Variants in SEMA3E observed in about 807,000 individuals in gnomAD.
SEMA3E encodes the protein semaphorin-3E.
Under a neutral mutation model 93.6 loss-of-function variants are expected in SEMA3E, and 49 were observed. The ratio of observed to expected loss-of-function variants is 0.52; its 90% confidence interval spans 0.42 to 0.66. The LOEUF (loss-of-function observed/expected upper bound fraction) is 0.66, where lower values mean the gene tolerates loss of function less well. Ranked by LOEUF, SEMA3E falls within the 30% of genes least tolerant of loss-of-function variation. The probability of loss-of-function intolerance (pLI) is 0.00; values close to 1 mark genes in which losing one functional copy is unlikely to be tolerated. For synonymous variants in SEMA3E, 363 were observed against 330.7 expected, an observed-to-expected ratio of 1.10 and a Z score of -1.06; for missense variants, 906 against 964.8, an observed-to-expected ratio of 0.94 and a Z score of 0.81.
At chr7:83,533,269 C>T (rs775140981) in intron 1 of SEMA3E, among the ~76,000 whole-genome samples, 13 of 152,116 alleles carry the variant, frequency 8.5e-5, no homozygotes, top group Non-Finnish European at 1.9e-4. Flanking sequence ...GGGCCAGGTG[C>T]AGTGGCTCAT....
At chr7:83,630,842 C>CA (rs1793771933) in intron 1 of SEMA3E, among the ~76,000 whole-genome samples, 1 of 151,928 alleles carries the variant, frequency 6.6e-6, no homozygotes, top group Non-Finnish European at 1.5e-5. Context: ...AGAGATTTGG[C>CA]AAAAATATAG....
chr7:83,630,858 T>C (rs1306467913), intron 1 of SEMA3E, among the ~76,000 whole-genome samples: 1 of 152,198 alleles, frequency 6.6e-6, no homozygotes, highest in Non-Finnish European at 1.5e-5. Flanking sequence ...TATAGGGTTA[T>C]TTTAAATTTT....
chr7:83,601,687 A>C (rs1162716814), intron 1 of SEMA3E, among the ~76,000 whole-genome samples: 1 of 152,140 alleles, frequency 6.6e-6, no homozygotes, highest in Non-Finnish European at 1.5e-5. Context: ...CATGTGTACA[A>C]AGAAATAGAG....
intron 11 of SEMA3E, among the ~76,000 whole-genome samples, chr7:83,399,086 T>C (rs1788184982): frequency 6.6e-6 from 1 of 152,166 alleles, no homozygotes; most frequent in African/African-American, 2.4e-5. Context: ...CTTATGCCAA[T>C]ATCTCTTGAG....
intron 4 of SEMA3E, among the ~76,000 whole-genome samples, chr7:83,433,321 T>C (rs1425338828): frequency 6.6e-6 from 1 of 152,074 alleles, no homozygotes. Context: ...GGGAACTGAG[T>C]GTCTTATTGA....
chr7:83,450,286 C>G (rs1192131394), intron 4 of SEMA3E, among the ~76,000 whole-genome samples: 1 of 152,156 alleles, frequency 6.6e-6, no homozygotes, highest in African/African-American at 2.4e-5. Context: ...ACTAAAAACA[C>G]ACCCATAAGT....
chr7:83,485,536 T>A (rs1759851411), intron 2 of SEMA3E, among the ~76,000 whole-genome samples: 2 of 151,934 alleles, frequency 1.3e-5, no homozygotes, highest in Non-Finnish European at 2.9e-5. Flanking sequence ...GAAATCATAT[T>A]AAATAAAAGA....
At chr7:83,477,926 CT>C (rs11310519) in intron 2 of SEMA3E, among the ~76,000 whole-genome samples, 72,715 of 147,456 alleles carry the variant, frequency 0.49, 17,866 homozygotes, top group Middle Eastern at 0.58. Flanking sequence ...GTAATTTTGG[CT>C]TTTTTTTTTT....
Position 83,544,539 on chromosome 7 carries a change from C to T in SEMA3E, c.116-54265G>A, listed in dbSNP as rs143460470. Among the ~76,000 whole-genome samples the T allele has an allele frequency of 2.6e-4, 40 of 152,218 alleles. 1 individual carries two copies. The East Asian group carries it at 7.7e-3, about 29-fold the overall frequency. On this transcript the variant is annotated intron_variant, in intron 1 of 16. Transcript: ENST00000643230. The stretch of plus-strand genomic sequence containing the variant: ...TTAGCACAGTGCCAGACACTAAGTG[C>T]TCACATGTATGCTTTTTCCTAAGTA...
At chr7:83,562,385 C>T (rs1390012232) in intron 1 of SEMA3E, among the ~76,000 whole-genome samples, 1 of 152,010 alleles carries the variant, frequency 6.6e-6, no homozygotes, top group African/African-American at 2.4e-5. Context: ...CTGGCTCCTG[C>T]CAAGAGGCAC....
chr7:83,588,303 T>C (rs913945113), intron 1 of SEMA3E, among the ~76,000 whole-genome samples: 1 of 151,586 alleles, frequency 6.6e-6, no homozygotes, highest in Non-Finnish European at 1.5e-5. Context: ...ATTGCATGAA[T>C]CCCAGAGACG....
rs28665675 is a variant in SEMA3E, at chr7:83,387,098, G to A, written c.1668-48C>T. 71,967 of 1,544,674 alleles carry A rather than the reference G, an allele frequency of 0.047. 5,916 individuals carry two copies. Among genetic ancestry groups the A allele is most frequent in the African/African-American group, 0.36 (26,743 of 73,342 alleles). ...AGATGTTCATTTTTTCAATTTTCCA[G>A]ACTTTAAAATGCAGCCAATTGCATT... On this transcript the variant is annotated intron_variant, in intron 14 of 16. Coordinates refer to ENST00000643230, the MANE Select transcript of SEMA3E (RefSeq NM_012431.3).
chr7:83,533,662 C>T (rs1791351716), intron 1 of SEMA3E, among the ~76,000 whole-genome samples: 1 of 152,258 alleles, frequency 6.6e-6, no homozygotes, highest in South Asian at 2.1e-4. Flanking sequence ...CCACAGAAGT[C>T]CTTCACCTGA....
intron 4 of SEMA3E, among the ~76,000 whole-genome samples, chr7:83,430,013 A>G (rs1788849517): frequency 6.6e-6 from 1 of 152,166 alleles, no homozygotes; most frequent in Non-Finnish European, 1.5e-5. Flanking sequence ...TTATGCACTC[A>G]TGGATAATTT....
chr7:83,480,153 A>T (rs1790115853), intron 2 of SEMA3E, among the ~76,000 whole-genome samples: 1 of 152,206 alleles, frequency 6.6e-6, no homozygotes, highest in African/African-American at 2.4e-5. Flanking sequence ...TTAAAATGCC[A>T]TTATAGGCTG....
At chr7:83,609,274 C>A (rs1793195610) in intron 1 of SEMA3E, among the ~76,000 whole-genome samples, 1 of 151,898 alleles carries the variant, frequency 6.6e-6, no homozygotes, top group Non-Finnish European at 1.5e-5. Context: ...TACTTAACAA[C>A]AACAAAGGTT....
chr7:83,637,351 T>C (rs370128538), intron 1 of SEMA3E, among the ~76,000 whole-genome samples: 1 of 152,170 alleles, frequency 6.6e-6, no homozygotes, highest in East Asian at 1.9e-4. Flanking sequence ...AGCATGATGC[T>C]CAGTACCTAA....
chr7:83,555,534 C>T (rs1642142920), intron 1 of SEMA3E, among the ~76,000 whole-genome samples: 1 of 152,124 alleles, frequency 6.6e-6, no homozygotes, highest in Admixed American at 6.5e-5. Context: ...CTTTCTCCCA[C>T]TAGAGGCAAA....
intron 16 of SEMA3E, among the ~76,000 whole-genome samples, chr7:83,382,073 A>C (rs1787788371): frequency 6.6e-6 from 1 of 151,996 alleles, no homozygotes; most frequent in South Asian, 2.1e-4. Flanking sequence ...TAGAAATTGA[A>C]TCCCAGAACT....
Sources: gnomAD v4.1 joint callset for allele counts (sites outside exome capture counted in the v4.1 genomes callset) on GRCh38, gnomAD v4.1.1 for gene constraint, MANE v1.5 for transcripts, NCBI Gene and HGNC (gene_info 2026-07-23, HGNC 2026-07-21) for gene names.